GNPAT: variants seen among roughly 807,000 people sequenced by gnomAD.
The protein encoded by GNPAT is glyceronephosphate O-acyltransferase.
GNPAT carries 30 observed loss-of-function variants against 78.4 expected under a neutral mutation model. The ratio of observed to expected loss-of-function variants is 0.38; its 90% CI spans 0.29 to 0.52. GNPAT has a LOEUF of 0.52. GNPAT is among the 20% of genes least tolerant of loss of function. GNPAT has a pLI of 0.84. For missense variants in GNPAT, 714 were observed against 812.2 expected, an observed-to-expected ratio of 0.88 and a Z score of 1.47; for synonymous variants, 271 against 281.1, an observed-to-expected ratio of 0.96 and a Z score of 0.36.
At chr1:231,249,372 A>G (rs183594500) in intron 1 of GNPAT, among the ~76,000 whole-genome samples, 7 of 152,286 alleles carry the variant, frequency 4.6e-5, no homozygotes, top group Middle Eastern at 3.4e-3. Context: ...CATAAATGCT[A>G]TTTGCTGCCA....
In GNPAT at chr1:231,270,959, T is replaced by C. The variant is rs1302080379; in HGVS notation, c.1481T>C (p.Leu494Ser). ...QLLNIFVRPSLVAVALQMTPG... is the reference protein window; with the variant it reads ...QLLNIFVRPSSVAVALQMTPG... ...CTCAACATTTTTGTGCGCCCATCCT[T>C]AGTAGCAGTAGCATTGCAGATGACA... Residue 494 changes from leucine (L) to serine (S), a missense_variant, in exon 10 of 16, where the codon TTA (leucine) becomes TCA (serine). Physicochemically the swap from Leu to Ser is moderately radical, Grantham distance 145. Transcript: ENST00000366647. The C allele has an allele frequency of 6.2e-7, 1 of 1,614,088 alleles. No individual in the cohort carries two copies. The highest frequency in any genetic ancestry group is 2.2e-5 in the East Asian group (1 of 44,878).
At position 231,265,592 on chromosome 1, in the gene GNPAT, C is replaced by T. The variant is rs984009369; in HGVS notation, c.697-120C>T. On this transcript the variant is annotated intron_variant, in intron 5 of 15. Transcript: ENST00000366647. ...GTGTGACTCTCTTGTTTAATTTTCA[C>T]TGTAAGCTGTGTTTGTTCAGGAAGC... The T allele has an allele frequency of 1.9e-5, 17 of 879,218 alleles. No homozygotes were observed. The Admixed American group carries it at 2.8e-4, about 14-fold the overall frequency. 54.5% of individuals were successfully genotyped at this position (879,218 alleles called of 1,614,324 possible). A position where few individuals can be genotyped will look rare whatever the true frequency, so the allele number is the denominator to read the frequency against.
At chr1:231,252,503 G>A (rs1370743498) in intron 2 of GNPAT, among the ~76,000 whole-genome samples, 1 of 152,186 alleles carries the variant, frequency 6.6e-6, no homozygotes, top group African/African-American at 2.4e-5. Flanking sequence ...GCCCACAGGT[G>A]GATAAATGGA....
rs1403089672 is a variant in GNPAT at position 231,250,955 on chromosome 1, C to G, written c.79-6C>G. ...TGTGCTCATTACTTTCTTGCCTTAT[C>G]CACAGAAGGAGCTCAAAAAGTGGGA... On this transcript the variant is annotated splice_polypyrimidine_tract_variant and splice_region_variant and intron_variant, in intron 1 of 15. Transcript: ENST00000366647. 1 of 1,587,892 alleles carries G rather than the reference C, an allele frequency of 6.3e-7. No homozygotes were observed. Among genetic ancestry groups the G allele is most frequent in the Non-Finnish European group, 8.6e-7 (1 of 1,157,096 alleles).
intron 11 of GNPAT, among the ~76,000 whole-genome samples, chr1:231,273,248 C>CTT (rs574185259): frequency 5.1e-4 from 62 of 122,706 alleles, no homozygotes; most frequent in African/African-American, 9.3e-4. Context: ...GTGTTGGAAA[C>CTT]TTTTTTTTTT....
At chr1:231,251,737 CT>C (rs1684904750) in intron 2 of GNPAT, among the ~76,000 whole-genome samples, 1 of 152,106 alleles carries the variant, frequency 6.6e-6, no homozygotes, top group African/African-American at 2.4e-5. Flanking sequence ...GGACCGAAGC[CT>C]TGAAAAGACT....
chr1:231,250,241 C>G (rs542056685), intron 1 of GNPAT, among the ~76,000 whole-genome samples: 49 of 151,898 alleles, frequency 3.2e-4, no homozygotes, highest in Non-Finnish European at 5.6e-4. Context: ...GCATGAGCCA[C>G]CATGCCCAGC....
chr1:231,264,134 C>G (rs1338951635), intron 4 of GNPAT, among the ~76,000 whole-genome samples: 1 of 152,140 alleles, frequency 6.6e-6, no homozygotes, highest in African/African-American at 2.4e-5. Flanking sequence ...CCCTGGTTCC[C>G]TGTGCTTTTG....
chr1:231,243,019 A>G (rs556237980), intron 1 of GNPAT, among the ~76,000 whole-genome samples: 62 of 152,390 alleles, frequency 4.1e-4, no homozygotes, highest in African/African-American at 1.4e-3. Context: ...CTGATCTAAA[A>G]GTAGCACTTT....
At chr1:231,243,339 G>T (rs1684666469) in intron 1 of GNPAT, among the ~76,000 whole-genome samples, 1 of 151,578 alleles carries the variant, frequency 6.6e-6, no homozygotes, top group South Asian at 2.1e-4. Context: ...TTTTTGTTTT[G>T]TTTTGGAGAC....
chr1:231,265,810 GA>G, intron 6 of GNPAT, 23 bp downstream of exon 6: 2 of 1,440,880 alleles, frequency 1.4e-6, no homozygotes, highest in East Asian at 2.3e-5. Flanking sequence ...AGATTAAAAG[GA>G]AAAATACAAA....
chr1:231,260,739 C>CAAA, intron 3 of GNPAT, 56 bp downstream of exon 3: 2 of 864,874 alleles, frequency 2.3e-6, no homozygotes, highest in South Asian at 1.8e-5. Flanking sequence ...TAAAATTAAA[C>CAAA]AAAAAAAAAA....
At chr1:231,252,674 A>G (rs935883384) in intron 2 of GNPAT, among the ~76,000 whole-genome samples, 2 of 151,006 alleles carry the variant, frequency 1.3e-5, no homozygotes, top group African/African-American at 4.9e-5. Context: ...AATATTCTTA[A>G]GAAACTCCTC....
intron 8 of GNPAT, among the ~76,000 whole-genome samples, chr1:231,266,631 A>G (rs915556359): frequency 6.6e-6 from 1 of 152,228 alleles, no homozygotes; most frequent in Non-Finnish European, 1.5e-5. Flanking sequence ...TATGTCAAAT[A>G]TGCAAAATCA....
chr1:231,266,820 G>C (rs1685402836), intron 8 of GNPAT, among the ~76,000 whole-genome samples: 1 of 152,182 alleles, frequency 6.6e-6, no homozygotes, highest in South Asian at 2.1e-4. Context: ...TTAGTCTCTA[G>C]AGAGTTATAG....
intron 1 of GNPAT, among the ~76,000 whole-genome samples, chr1:231,241,683 T>A (rs981626665): frequency 6.6e-6 from 1 of 152,250 alleles, no homozygotes. Context: ...CTTTGGTTCC[T>A]TTCCACTTTT....
chr1:231,261,098 T>C (rs551974831), intron 3 of GNPAT, among the ~76,000 whole-genome samples: 1 of 152,330 alleles, frequency 6.6e-6, no homozygotes, highest in Non-Finnish European at 1.5e-5. Context: ...GGCATTATCT[T>C]ATGGTACAAG....
At chr1:231,271,108 G>A (rs1397351509) in intron 10 of GNPAT, 108 bp downstream of exon 10, 4 of 1,258,528 alleles carry the variant, frequency 3.2e-6, no homozygotes, top group African/African-American at 2.9e-5. Context: ...CGCCGGTGAA[G>A]AGCAGGCCTA....
intron 10 of GNPAT, among the ~76,000 whole-genome samples, chr1:231,272,053 T>C (rs1225822538): frequency 6.6e-6 from 1 of 152,106 alleles, no homozygotes; most frequent in African/African-American, 2.4e-5. Context: ...TGAGCCAAGA[T>C]TGCACCATTG....
Sources: allele counts gnomAD v4.1 joint callset (sites outside exome capture counted in the v4.1 genomes callset), GRCh38; gene constraint gnomAD v4.1.1; transcripts MANE v1.5; gene names NCBI Gene and HGNC (gene_info 2026-07-23, HGNC 2026-07-21).